The following GTF2IRD1 variants were observed in gnomAD, a reference collection of about 807,000 sequenced individuals.
The protein encoded by GTF2IRD1 is general transcription factor II-I repeat domain-containing protein 1.
In GTF2IRD1, 26 loss-of-function variants were observed where a neutral mutation model predicts 113.2. The ratio of observed to expected loss-of-function variants is 0.23; its 90% CI spans 0.17 to 0.32. The LOEUF (loss-of-function observed/expected upper bound fraction) is 0.32. Ranked by LOEUF, GTF2IRD1 falls within the 10% of genes least tolerant of loss-of-function variation. The pLI, the probability that GTF2IRD1 is intolerant of heterozygous loss-of-function variation, is 1.00. For synonymous variants in GTF2IRD1, 484 were observed against 529.1 expected (o/e 0.91, Z 1.17); for missense variants, 864 against 1,280.8 (o/e 0.67, Z 4.97).
intron 17 of GTF2IRD1, among the ~76,000 whole-genome samples, chr7:74,548,475 TG>T (rs1799096120): frequency 6.7e-6 from 1 of 150,020 alleles, no homozygotes; most frequent in Non-Finnish European, 1.5e-5. Flanking sequence ...TGAGTAAAAA[TG>T]TGGTTGGGGG....
At chr7:74,496,194 C>T (rs868959500) in intron 1 of GTF2IRD1, among the ~76,000 whole-genome samples, 13 of 150,430 alleles carry the variant, frequency 8.6e-5, no homozygotes, top group Non-Finnish European at 1.6e-4. Context: ...AGTGGCTATG[C>T]GTGCGTATGT....
At chr7:74,491,893 G>C (rs1795366702) in intron 1 of GTF2IRD1, among the ~76,000 whole-genome samples, 1 of 152,132 alleles carries the variant, frequency 6.6e-6, no homozygotes, top group Non-Finnish European at 1.5e-5. Context: ...GGTTTTTGAG[G>C]AATCACCACA....
chr7:74,547,080 C>G (rs1554353457), intron 16 of GTF2IRD1, 23 bp from the exon 17 acceptor site: 1 of 1,475,250 alleles, frequency 6.8e-7, no homozygotes, highest in Admixed American at 1.7e-5. Context: ...CCGGGTGGCC[C>G]TACAGCAGCC....
chr7:74,534,028 CAA>C (rs113839129), intron 9 of GTF2IRD1, among the ~76,000 whole-genome samples: 39 of 117,078 alleles, frequency 3.3e-4, no homozygotes, highest in Middle Eastern at 4.3e-3. Flanking sequence ...GACCCCAACT[CAA>C]AAAAAAAAAA....
At chr7:74,511,106 C>T (rs1796607270) in intron 2 of GTF2IRD1, among the ~76,000 whole-genome samples, 1 of 152,124 alleles carries the variant, frequency 6.6e-6, no homozygotes, top group Non-Finnish European at 1.5e-5. Context: ...GTTTCAGAGC[C>T]TCCTTGGAGG....
At chr7:74,594,312 C>T (rs587703090) in intron 24 of GTF2IRD1, among the ~76,000 whole-genome samples, 2 of 150,780 alleles carry the variant, frequency 1.3e-5, no homozygotes, top group East Asian at 2.0e-4. Flanking sequence ...CCCAGGAGTT[C>T]GAGGCTGCAG....
intron 22 of GTF2IRD1, among the ~76,000 whole-genome samples, chr7:74,575,584 T>C (rs946628680): frequency 2.6e-5 from 4 of 152,160 alleles, no homozygotes; most frequent in Admixed American, 1.3e-4. Context: ...AGTGGGGTGG[T>C]GAGTCACCCA....
At chr7:74,596,332 G>A (rs782271382) in intron 25 of GTF2IRD1, among the ~76,000 whole-genome samples, 5 of 151,618 alleles carry the variant, frequency 3.3e-5, no homozygotes, top group Admixed American at 6.6e-5. Context: ...ATGGTGGCAC[G>A]TGCCTGTAAT....
chr7:74,588,186 C>A (rs1469574078), intron 22 of GTF2IRD1, among the ~76,000 whole-genome samples: 2 of 150,156 alleles, frequency 1.3e-5, no homozygotes, highest in African/African-American at 4.9e-5. Flanking sequence ...CAGCTCACTG[C>A]AACCTCCGCC....
chr7:74,526,441 A>G (rs1797601203), intron 8 of GTF2IRD1, among the ~76,000 whole-genome samples: 1 of 152,170 alleles, frequency 6.6e-6, no homozygotes, highest in African/African-American at 2.4e-5. Context: ...TCTACCAGCC[A>G]CCAAATCTGG....
chr7:74,471,505 T>G (rs1399632651), intron 1 of GTF2IRD1, among the ~76,000 whole-genome samples: 2 of 151,732 alleles, frequency 1.3e-5, no homozygotes, highest in East Asian at 3.9e-4. Flanking sequence ...CGAGACCCCA[T>G]CTCTACAAAA....
At chr7:74,488,169 G>A (rs977970937) in intron 1 of GTF2IRD1, among the ~76,000 whole-genome samples, 1 of 152,178 alleles carries the variant, frequency 6.6e-6, no homozygotes, top group Non-Finnish European at 1.5e-5. Context: ...TGTGGTCCCA[G>A]CTACTCAGGA....
At chr7:74,459,692 A>G (rs1456198208) in intron 1 of GTF2IRD1, among the ~76,000 whole-genome samples, 16 of 152,206 alleles carry the variant, frequency 1.1e-4, no homozygotes, top group Admixed American at 1.0e-3. Context: ...CCCAGCTAAA[A>G]TTGGATTTCA....
In GTF2IRD1 at chr7:74,543,123, C is replaced by T. The variant is rs150819032; in HGVS notation, c.1619-1632C>T. Among the ~76,000 whole-genome samples the T allele has an allele frequency of 9.8e-3, 1,485 of 152,086 alleles. 18 individuals carry two copies. Among genetic ancestry groups the T allele is most frequent in the African/African-American group, 0.034 (1,411 of 41,488 alleles). ...TTCGAGACCAGCCTGCCCAACATGG[C>T]GAAACTCCGTCTCCACTAAAAATAC... is the stretch of plus-strand genomic sequence containing the variant. On this transcript the variant is annotated intron_variant, in intron 14 of 26. Coordinates refer to ENST00000424337, the MANE Select transcript of GTF2IRD1 (RefSeq NM_005685.4).
chr7:74,455,348 G>A (rs1554326931), intron 1 of GTF2IRD1, among the ~76,000 whole-genome samples: 2 of 152,204 alleles, frequency 1.3e-5, no homozygotes, highest in Non-Finnish European at 2.9e-5. Flanking sequence ...GAAGAGGAGA[G>A]GGGTGTCTAG....
At chr7:74,522,244 T>TA (rs79083668) in intron 7 of GTF2IRD1, among the ~76,000 whole-genome samples, 320 of 142,168 alleles carry the variant, frequency 2.3e-3, no homozygotes, top group Non-Finnish European at 2.2e-3. Flanking sequence ...GTGATATATT[T>TA]AAAAAAAAAA....
At chr7:74,475,826 G>A (rs773066724) in intron 1 of GTF2IRD1, among the ~76,000 whole-genome samples, 3 of 152,208 alleles carry the variant, frequency 2.0e-5, no homozygotes, top group African/African-American at 7.2e-5. Flanking sequence ...CGTCTGATGC[G>A]TAGTCACCCG....
intron 1 of GTF2IRD1, among the ~76,000 whole-genome samples, chr7:74,471,923 C>T (rs1031358845): frequency 6.6e-6 from 1 of 152,034 alleles, no homozygotes; most frequent in Non-Finnish European, 1.5e-5. Context: ...ATCCGGGAGG[C>T]GGAGTCTGCA....
chr7:74,472,563 G>A (rs1381630040), intron 1 of GTF2IRD1, among the ~76,000 whole-genome samples: 1 of 151,980 alleles, frequency 6.6e-6, no homozygotes, highest in Non-Finnish European at 1.5e-5. Context: ...CCTGGGCAAC[G>A]TGGTGAAACC....
Sources: allele counts gnomAD v4.1 joint callset (sites outside exome capture counted in the v4.1 genomes callset), GRCh38; gene constraint gnomAD v4.1.1; transcripts MANE v1.5; gene names NCBI Gene and HGNC (gene_info 2026-07-23, HGNC 2026-07-21).